Variants in DLG5 observed in about 807,000 individuals in gnomAD.
The protein encoded by DLG5 is discs large MAGUK scaffold protein 5.
A neutral mutation model predicts 189.8 loss-of-function variants in DLG5; 48 were observed. That is an observed-to-expected ratio of 0.25 (90% CI 0.20 to 0.32). The LOEUF is 0.32. Ranked by LOEUF, DLG5 falls within the 10% of genes least tolerant of loss-of-function variation. The pLI is 1.00. For synonymous variants in DLG5, 1,016 were observed against 1,054.1 expected, an observed-to-expected ratio of 0.96 and a Z score of 0.70; for missense variants, 2,160 against 2,544.7, an observed-to-expected ratio of 0.85 and a Z score of 3.25.
Position 77,853,490 on chromosome 10 carries a change from T to C in DLG5, c.728A>G (p.Asp243Gly). 1 of 1,611,406 alleles carries C rather than the reference T, an allele frequency of 6.2e-7. No individual in the cohort carries two copies. Among genetic ancestry groups the C allele is most frequent in the Non-Finnish European group, 8.5e-7 (1 of 1,179,108 alleles). Residue 243 changes from aspartate to glycine, a missense_variant, in exon 5 of 32, where the codon GAC becomes GGC. By Grantham distance (94) the Asp-to-Gly change is moderately conservative (BLOSUM62 -1). This residue lies in a region of DLG5 where 664 missense variants were observed against 838.5 expected (regional missense o/e 0.79). Coordinates refer to ENST00000372391, the MANE Select transcript of DLG5 (RefSeq NM_004747.4). ...LLSDQTRLKD[D>G]VDMLRRENGQ... ...ATTCTCCCGCCTCAGCATGTCCACGTCATCCTTCAGCCGAGTCTGGTCACT... is the reference window on the plus strand; with the variant it reads ...ATTCTCCCGCCTCAGCATGTCCACGCCATCCTTCAGCCGAGTCTGGTCACT...
At position 77,880,466 on chromosome 10, in the gene DLG5, A is replaced by C. The variant is rs201800017; in HGVS notation, c.305-11269T>G. Among the ~76,000 whole-genome samples the C allele has an allele frequency of 2.1e-3, 327 of 152,274 alleles. 1 individual carries two copies. Among genetic ancestry groups the C allele is most frequent in the Middle Eastern group, 0.014 (4 of 294 alleles). On this transcript the variant is annotated intron_variant, in intron 1 of 31. Transcript: ENST00000372391. Reference sequence around the variant, plus strand: ...GAGACTCCATCTCAAAAAATAAATAAAAACAAACAAACAAACAAACTGAAC... The same window carrying C: ...GAGACTCCATCTCAAAAAATAAATACAAACAAACAAACAAACAAACTGAAC...
intron 1 of DLG5, among the ~76,000 whole-genome samples, chr10:77,903,243 T>C (rs182619606): frequency 1.2e-3 from 176 of 151,756 alleles, no homozygotes; most frequent in Non-Finnish European, 2.1e-3. Flanking sequence ...GCCTGGCCAA[T>C]ATGGAGAACC....
At chr10:77,829,291 C>T (rs545552276) in intron 12 of DLG5, 64 bp downstream of exon 12, 40 of 1,605,474 alleles carry the variant, frequency 2.5e-5, no homozygotes, top group Non-Finnish European at 2.0e-5. Context: ...GCACCCCCGG[C>T]CCCTGTCCAC....
At position 77,857,405 on chromosome 10, in the gene DLG5, C is replaced by A. The variant is rs540225972; in HGVS notation, c.374-513G>T. ...AGGGCCGTGTCCCCGCCCTCCTCGA[C>A]CAGGGCTGGACAGTGCACGGCTCCC... On this transcript the variant is annotated intron_variant, in intron 2 of 31. Transcript: ENST00000372391. Among the ~76,000 whole-genome samples, 4 of 152,368 alleles carry A rather than the reference C, an allele frequency of 2.6e-5. No individual in the cohort carries two copies. The South Asian group carries it at 8.3e-4, about 32-fold the overall frequency.
At chr10:77,851,201 C>T (rs927783068) in intron 5 of DLG5, among the ~76,000 whole-genome samples, 3 of 152,250 alleles carry the variant, frequency 2.0e-5, no homozygotes, top group East Asian at 1.9e-4. Flanking sequence ...CTGCTTCACA[C>T]GCAAGATTCC....
chr10:77,855,043 G>T (rs550920553), intron 3 of DLG5, among the ~76,000 whole-genome samples: 58 of 152,148 alleles, frequency 3.8e-4, no homozygotes, highest in African/African-American at 1.3e-3. Context: ...TTAAAGAAAA[G>T]AAATTTCTCC....
At chr10:77,854,392 C>G in intron 3 of DLG5, 22 bp from the exon 4 acceptor site, 1 of 1,612,816 alleles carries the variant, frequency 6.2e-7, no homozygotes, top group Non-Finnish European at 8.5e-7. Context: ...AGCGAATGGC[C>G]CCATGAACAC....
At chr10:77,928,049 A>C (rs1846747579), upstream of DLG5, 2 of 152,212 alleles carry the variant, frequency 1.3e-5, no homozygotes, top group African/African-American at 2.4e-5. Context: ...CAAGGGGAGA[A>C]GTCGTTTTTA....
At chr10:77,824,680 C>T (rs1007190496) in intron 13 of DLG5, 2 of 542,602 alleles carry the variant, frequency 3.7e-6, no homozygotes, top group South Asian at 2.6e-5. Flanking sequence ...AACACATAAG[C>T]CTTCACAGCA....
chr10:77,846,256 C>T (rs1032290340), intron 5 of DLG5, among the ~76,000 whole-genome samples: 1 of 152,078 alleles, frequency 6.6e-6, no homozygotes, highest in Non-Finnish European at 1.5e-5. Flanking sequence ...AAAAAAAAGA[C>T]GAAGAATGGG....
chr10:77,802,293 T>C (rs1175818182), intron 27 of DLG5, among the ~76,000 whole-genome samples: 1 of 152,204 alleles, frequency 6.6e-6, no homozygotes, highest in Non-Finnish European at 1.5e-5. Context: ...GAATGATATC[T>C]TTAAAGCACC....
At chr10:77,792,632 G>T in intron 31 of DLG5, 89 bp from the exon 32 acceptor site, 1 of 1,224,118 alleles carries the variant, frequency 8.2e-7, no homozygotes, top group Non-Finnish European at 1.2e-6. Context: ...TCTTTCTACT[G>T]TGTGGCTGTC....
chr10:77,926,356 C>A lies in DLG5; in HGVS notation c.165G>T (p.Leu55=). ...CCTTGGCCAAGAGCAGCTTGAGCAGCAGCTCCGCCTTGGCGCCTCCCGCCT... is the reference window on the plus strand; with the variant it reads ...CCTTGGCCAAGAGCAGCTTGAGCAGAAGCTCCGCCTTGGCGCCTCCCGCCT... ...DEEAGGAKAE[L]LLKLLLAKER... is the part of the protein sequence containing the mutation. Residue 55 remains leucine (L), a synonymous_variant, in exon 1 of 32, where the codon CTG becomes CTT. Transcript: ENST00000372391. The surrounding 1 kb of genome is among the most constrained non-coding windows in gnomAD (Gnocchi z 5.2). 2 of 1,602,102 alleles carry A rather than the reference C, an allele frequency of 1.2e-6. No individual in the cohort carries two copies. Among genetic ancestry groups the A allele is most frequent in the Non-Finnish European group, 1.7e-6 (2 of 1,175,968 alleles).
chr10:77,846,855 G>A (rs759238527), intron 5 of DLG5: 19 of 400,614 alleles, frequency 4.7e-5, no homozygotes, highest in Non-Finnish European at 9.4e-5. Flanking sequence ...ACGAGCCAAC[G>A]CTCTCCTGCA....
At chr10:77,807,150 C>T (rs562274690) in intron 25 of DLG5, among the ~76,000 whole-genome samples, 4 of 152,330 alleles carry the variant, frequency 2.6e-5, no homozygotes, top group East Asian at 3.9e-4. Flanking sequence ...GGGCGCATCC[C>T]CATCAAAGAA....
intron 24 of DLG5, among the ~76,000 whole-genome samples, chr10:77,808,326 G>A (rs1423749928): frequency 1.3e-5 from 2 of 152,178 alleles, no homozygotes; most frequent in African/African-American, 2.4e-5. Context: ...GAGTGCAGTG[G>A]TGCAATCACA....
In DLG5 at chr10:77,811,199, A is replaced by C. The variant is rs1841752878; in HGVS notation, c.4358T>G (p.Leu1453Arg). ...HLDPAGTHSTLQGSGTTTPEH... is the reference protein window; with the variant it reads ...HLDPAGTHSTRQGSGTTTPEH... ...CGGGGTGGTGGTGCCACTGCCCTGG[A>C]GAGTGGAGTGGGTACCGGCAGGGTC... Residue 1453 changes from leucine to arginine, a missense_variant, in exon 23 of 32, where the codon CTC becomes CGC. Coordinates refer to ENST00000372391, the MANE Select transcript of DLG5 (RefSeq NM_004747.4). 1 of 1,613,144 alleles carries C rather than the reference A, an allele frequency of 6.2e-7. No homozygotes were observed.
chr10:77,880,844 C>G (rs1195652251), intron 1 of DLG5, among the ~76,000 whole-genome samples: 1 of 151,926 alleles, frequency 6.6e-6, no homozygotes. Flanking sequence ...CCACTATCAA[C>G]TCACCTTCTA....
Position 77,809,736 on chromosome 10 carries a change from A to G in DLG5, c.4464-6T>C. ...TGTTGGCATCTCCCGCAATCCTTTC[A>G]GGAAAAAAACAAAGTTCCTCAACTG... On this transcript the variant is annotated splice_region_variant and splice_polypyrimidine_tract_variant and intron_variant, in intron 23 of 31. Transcript: ENST00000372391. 1.2e-6 allele frequency: 2 copies of G among 1,609,748 alleles called. No individual in the cohort carries two copies. The highest frequency in any genetic ancestry group is 1.7e-6 in the Non-Finnish European group (2 of 1,178,244).
Sources: allele counts gnomAD v4.1 joint callset (sites outside exome capture counted in the v4.1 genomes callset), GRCh38; gene constraint gnomAD v4.1.1; regional missense constraint gnomAD v4.1.1; non-coding constraint Gnocchi (gnomAD v3.1); transcripts MANE v1.5; gene names NCBI Gene and HGNC (gene_info 2026-07-23, HGNC 2026-07-21).